Variants in CDYL2 observed in about 807,000 individuals in gnomAD.
CDYL2 encodes the protein chromodomain Y like 2, also known as chromodomain Y-like protein 2.
Under a neutral mutation model 49.4 loss-of-function variants are expected in CDYL2, and 23 were observed. That is an observed-to-expected ratio of 0.47 (90% CI 0.34 to 0.66). CDYL2 has a LOEUF of 0.66. CDYL2 is among the 30% of genes least tolerant of loss of function. The pLI, the probability that CDYL2 is intolerant of heterozygous loss-of-function variation, is 0.01. For synonymous variants in CDYL2, 360 were observed against 268.8 expected, an observed-to-expected ratio of 1.34 and a Z score of -3.32; for missense variants, 678 against 656.4, an observed-to-expected ratio of 1.03 and a Z score of -0.36.
chr16:80,643,215 A>G (rs760771031), intron 2 of CDYL2, among the ~76,000 whole-genome samples: 6 of 152,202 alleles, frequency 3.9e-5, no homozygotes, highest in Non-Finnish European at 7.3e-5. Flanking sequence ...TCAAATTTTA[A>G]AGCTCCAAAA....
At chr16:80,652,749 T>A (rs1908638275) in intron 2 of CDYL2, among the ~76,000 whole-genome samples, 1 of 152,160 alleles carries the variant, frequency 6.6e-6, no homozygotes, top group Non-Finnish European at 1.5e-5. Context: ...GAATGGCACT[T>A]ACCCTCTGGG....
chr16:80,657,114 G>A (rs964956152), intron 2 of CDYL2, among the ~76,000 whole-genome samples: 1 of 152,176 alleles, frequency 6.6e-6, no homozygotes, highest in African/African-American at 2.4e-5. Flanking sequence ...AAAACTTGTA[G>A]ACAGCTCACG....
intron 2 of CDYL2, among the ~76,000 whole-genome samples, chr16:80,644,282 T>C (rs1008769810): frequency 5.9e-5 from 9 of 152,230 alleles, no homozygotes; most frequent in Admixed American, 5.2e-4. Flanking sequence ...CTGGACCTTA[T>C]TGTCCATATC....
At chr16:80,718,279 A>T (rs1904880396) in intron 1 of CDYL2, among the ~76,000 whole-genome samples, 1 of 152,262 alleles carries the variant, frequency 6.6e-6, no homozygotes, top group Admixed American at 6.5e-5. Context: ...CTTCATTGTC[A>T]AAATCATCTT....
chr16:80,746,900 C>A (rs995571127), intron 1 of CDYL2, among the ~76,000 whole-genome samples: 2 of 152,058 alleles, frequency 1.3e-5, no homozygotes, highest in Non-Finnish European at 2.9e-5. Context: ...AGCTTCTCTT[C>A]TCTTTAAAAA....
At chr16:80,661,860 T>G (rs1909058257) in intron 2 of CDYL2, among the ~76,000 whole-genome samples, 1 of 152,208 alleles carries the variant, frequency 6.6e-6, no homozygotes, top group Non-Finnish European at 1.5e-5. Flanking sequence ...AAGCCTGAGA[T>G]GTATTCACCT....
At chr16:80,639,777 T>A (rs1907999955) in intron 2 of CDYL2, 1 of 454,724 alleles carries the variant, frequency 2.2e-6, no homozygotes, top group African/African-American at 2.0e-5. Context: ...AGCAGTAGTG[T>A]GGTATGGAAA....
chr16:80,629,528 T>C (rs1315728069), intron 3 of CDYL2, among the ~76,000 whole-genome samples: 1 of 151,958 alleles, frequency 6.6e-6, no homozygotes, highest in Non-Finnish European at 1.5e-5. Context: ...AGACCTGGAG[T>C]CTTCTCCCAA....
intron 2 of CDYL2, among the ~76,000 whole-genome samples, chr16:80,667,488 A>T (rs1909315286): frequency 6.6e-6 from 1 of 152,198 alleles, no homozygotes; most frequent in Non-Finnish European, 1.5e-5. Flanking sequence ...AGAAGCCCTC[A>T]GTAATTCCTT....
chr16:80,632,018 C>A (rs1297957509), intron 3 of CDYL2, among the ~76,000 whole-genome samples: 1 of 152,068 alleles, frequency 6.6e-6, no homozygotes, highest in Non-Finnish European at 1.5e-5. Flanking sequence ...TATGACCCAG[C>A]AATTCTAAGA....
At position 80,600,009 on chromosome 16, in the gene CDYL2, T is replaced by C. The variant is rs374980526; in HGVS notation, c.*4379A>G. ...AGGAAACAACCCGTATTACCCTTTT[T>C]AAATTTTTTTGCAACAAGCTTAAGG... On this transcript the variant is annotated 3_prime_UTR_variant, in exon 7 of 7. Coordinates refer to ENST00000570137, the MANE Select transcript of CDYL2 (RefSeq NM_152342.4). 20 of 152,352 alleles carry C rather than the reference T, an allele frequency of 1.3e-4. No individual in the cohort carries two copies. In the East Asian group the frequency reaches 1.7e-3, roughly 13 times the overall value. 9.4% of individuals were successfully genotyped at this position (152,352 alleles called of 1,614,324 possible).
chr16:80,755,915 G>A lies in CDYL2; in HGVS notation c.24+48235C>T, dbSNP rs28534848. ...TGAATTTTTCTGTAAACCTAAAACT[G>A]CTCTAAAATAAAGTCTACTATACCC... is the stretch of plus-strand genomic sequence containing the variant. On this transcript the variant is annotated intron_variant, in intron 1 of 6. Transcript: ENST00000570137. 3.2e-3 allele frequency among the ~76,000 whole-genome samples: 481 copies of A among 152,206 alleles called. 2 individuals are homozygous for A. Among genetic ancestry groups the A allele is most frequent in the African/African-American group, 0.011 (470 of 41,530 alleles).
intron 1 of CDYL2, among the ~76,000 whole-genome samples, chr16:80,749,756 A>G (rs566903923): frequency 8.5e-4 from 130 of 152,298 alleles, no homozygotes; most frequent in Middle Eastern, 3.4e-3. Flanking sequence ...AAAAGCATAC[A>G]TGTGCATGTG....
chr16:80,644,409 C>G (rs1908241612), intron 2 of CDYL2, among the ~76,000 whole-genome samples: 2 of 152,206 alleles, frequency 1.3e-5, no homozygotes. Flanking sequence ...GCCTGTTACC[C>G]AGTTCCAAAG....
At chr16:80,721,756 G>A (rs1905005768) in intron 1 of CDYL2, among the ~76,000 whole-genome samples, 1 of 152,192 alleles carries the variant, frequency 6.6e-6, no homozygotes, top group Non-Finnish European at 1.5e-5. Flanking sequence ...AAGCTGAGCA[G>A]TGACCACAGG....
At position 80,643,133 on chromosome 16, in the gene CDYL2, T is replaced by C. The variant is rs919883636; in HGVS notation, c.617-9897A>G. ...TACAGGTATTGGGTAAATACAGCTA[T>C]TCCAAATGGGAGAAATTGGCCAAAA... On this transcript the variant is annotated intron_variant, in intron 2 of 6. Coordinates refer to ENST00000570137, the MANE Select transcript of CDYL2 (RefSeq NM_152342.4). 4.6e-5 allele frequency among the ~76,000 whole-genome samples: 7 copies of C among 152,318 alleles called. 1 individual carries two copies. The highest frequency in any genetic ancestry group is 6.5e-5 in the Admixed American group (1 of 15,308).
At chr16:80,652,888 A>T (rs1014041888) in intron 2 of CDYL2, among the ~76,000 whole-genome samples, 1 of 152,240 alleles carries the variant, frequency 6.6e-6, no homozygotes, top group African/African-American at 2.4e-5. Flanking sequence ...CCATAAAAAG[A>T]AGGAAAGCCT....
intron 6 of CDYL2, among the ~76,000 whole-genome samples, chr16:80,605,929 C>G (rs540255007): frequency 1.3e-5 from 2 of 152,334 alleles, no homozygotes; most frequent in African/African-American, 4.8e-5. Context: ...GGCTGCCTGA[C>G]CACTCATGGG....
intron 3 of CDYL2, among the ~76,000 whole-genome samples, chr16:80,623,772 G>C (rs770013534): frequency 1.3e-5 from 2 of 152,170 alleles, no homozygotes; most frequent in African/African-American, 2.4e-5. Context: ...TAGGACTCAG[G>C]AAGTCAGACT....
Sources: gnomAD v4.1 joint callset for allele counts (sites outside exome capture counted in the v4.1 genomes callset) on GRCh38, gnomAD v4.1.1 for gene constraint, MANE v1.5 for transcripts, NCBI Gene and HGNC (gene_info 2026-07-23, HGNC 2026-07-21) for gene names.